SLC26A8: variants seen among roughly 807,000 people sequenced by gnomAD.
SLC26A8 encodes testis anion transporter 1.
A neutral mutation model predicts 105.0 loss-of-function variants in SLC26A8; 70 were observed. That is an observed-to-expected ratio of 0.67 (90% CI 0.55 to 0.81). The LOEUF is 0.81. Ranked by LOEUF, SLC26A8 falls within the 40% of genes least tolerant of loss-of-function variation. The probability of loss-of-function intolerance (pLI) is 0.00; values close to 1 mark genes in which losing one functional copy is unlikely to be tolerated. For missense variants in SLC26A8, 998 were observed against 1,181.8 expected (o/e 0.84, Z 2.28); for synonymous variants, 415 against 438.3 (o/e 0.95, Z 0.66).
intron 8 of SLC26A8, among the ~76,000 whole-genome samples, chr6:35,979,881 G>A (rs979164207): frequency 2.6e-5 from 4 of 152,168 alleles, no homozygotes; most frequent in Admixed American, 6.6e-5. Context: ...TCAAAGCAAC[G>A]CTTAAAATTA....
In SLC26A8 at chr6:35,991,710, G is replaced by C; in HGVS notation, c.891C>G (p.Ile297Met). 6.2e-7 allele frequency: 1 copy of C among 1,605,804 alleles called. No homozygotes were observed. Among genetic ancestry groups the C allele is most frequent in the Non-Finnish European group, 8.5e-7 (1 of 1,177,178 alleles). The stretch of plus-strand genomic sequence containing the variant: ...TGGGATACTGATTGAAAGAAATTCT[G>C]ATACATTTGTTGATTCGCAGAGCAA... ...VVVALRINKC[I>M]RISFNQYPIE... The change falls in exon 7 of 20, where the codon ATC (isoleucine) becomes ATG (methionine). Residue 297 changes from isoleucine (I) to methionine (M), a missense_variant. Physicochemically the swap from Ile to Met is conservative, Grantham distance 10. Coordinates refer to ENST00000490799, the MANE Select transcript of SLC26A8 (RefSeq NM_052961.4).
chr6:35,957,384 A>G (rs186613519), intron 16 of SLC26A8, among the ~76,000 whole-genome samples: 146 of 152,104 alleles, frequency 9.6e-4, no homozygotes, highest in Admixed American at 2.3e-3. Flanking sequence ...AATTTTAAAA[A>G]TTTAAAGCTA....
rs1463727232 is a variant in SLC26A8 at position 35,968,049 on chromosome 6, C to T, written c.1365+828G>A. Among the ~76,000 whole-genome samples, 6 of 151,854 alleles carry T rather than the reference C, an allele frequency of 4.0e-5. No homozygotes were observed. The South Asian group carries it at 8.3e-4, about 21-fold the overall frequency. On this transcript the variant is annotated intron_variant, in intron 11 of 19. Coordinates refer to ENST00000490799, the MANE Select transcript of SLC26A8 (RefSeq NM_052961.4). ...TTTTAGTAGAGACGGGGTTTTGCCA[C>T]GTTGGCCCGGCTGATCTTGAACTCC...
chr6:35,994,421 T>A (rs1761289360), intron 5 of SLC26A8, among the ~76,000 whole-genome samples: 1 of 151,784 alleles, frequency 6.6e-6, no homozygotes, highest in Non-Finnish European at 1.5e-5. Flanking sequence ...GCCAACTGTC[T>A]CTCCCTTAAT....
At position 35,968,891 on chromosome 6, in the gene SLC26A8, A is replaced by G. The variant is rs1361261362; in HGVS notation, c.1351T>C (p.Tyr451His). The G allele has an allele frequency of 1.3e-6, 2 of 1,592,832 alleles. No homozygotes were observed. The highest frequency in any genetic ancestry group is 2.2e-5 in the South Asian group (2 of 90,610). The change falls in exon 11 of 20, where the codon TAC becomes CAC. Residue 451 changes from tyrosine (Y) to histidine (H), a missense_variant. Physicochemically the swap from Tyr to His is moderately conservative, Grantham distance 83. Coordinates refer to ENST00000490799, the MANE Select transcript of SLC26A8 (RefSeq NM_052961.4). ...GTTCTACTTACATTTGGCAGTGTGT[A>G]GAAAAAGTGTCCCATCTTCACCATC... ...LLMVKMGHFF[Y>H]TLPNAVLAGI...
intron 3 of SLC26A8, among the ~76,000 whole-genome samples, chr6:36,011,247 C>T (rs1021430429): frequency 1.3e-5 from 2 of 152,122 alleles, no homozygotes; most frequent in African/African-American, 4.8e-5. Flanking sequence ...GCTGTGTTAC[C>T]GGGCAGAATT....
At chr6:35,951,100 C>CACCCCACCCCCCCCAGCCCACAA in intron 19 of SLC26A8, 63 bp downstream of exon 19, 7 of 1,364,756 alleles carry the variant, frequency 5.1e-6, no homozygotes, top group East Asian at 2.5e-5. Flanking sequence ...AACCACCCCT[C>CACCCCACCCCCCCCAGCCCACAA]ACCCATCCCC....
At chr6:35,983,040 A>G (rs559172722) in intron 7 of SLC26A8, among the ~76,000 whole-genome samples, 1 of 152,330 alleles carries the variant, frequency 6.6e-6, no homozygotes, top group South Asian at 2.1e-4. Context: ...GTTTTAAAAT[A>G]GCAATTATAC....
At chr6:35,999,148 C>A (rs1434004265) in intron 4 of SLC26A8, among the ~76,000 whole-genome samples, 1 of 152,190 alleles carries the variant, frequency 6.6e-6, no homozygotes, top group Non-Finnish European at 1.5e-5. Flanking sequence ...CTTGCCTCGG[C>A]CTCCCAAAGT....
intron 3 of SLC26A8, among the ~76,000 whole-genome samples, chr6:36,009,236 A>C (rs901365927): frequency 2.0e-5 from 3 of 152,134 alleles, no homozygotes; most frequent in Non-Finnish European, 4.4e-5. Context: ...CTGTAATCCC[A>C]GCTACTCAGG....
At chr6:35,950,494 C>T (rs1771831032) in intron 19 of SLC26A8, among the ~76,000 whole-genome samples, 1 of 151,908 alleles carries the variant, frequency 6.6e-6, no homozygotes, top group Non-Finnish European at 1.5e-5. Context: ...ACCATGTTGG[C>T]TAGGATGGTC....
intron 11 of SLC26A8, among the ~76,000 whole-genome samples, chr6:35,968,609 GTATA>G (rs55987809): frequency 0.074 from 4,380 of 59,008 alleles, 146 homozygotes; most frequent in Admixed American, 0.11. Flanking sequence ...GTGTGTGTGT[GTATA>G]TATATATATA....
At chr6:35,995,533 C>A (rs897611614) in intron 5 of SLC26A8, among the ~76,000 whole-genome samples, 2 of 152,222 alleles carry the variant, frequency 1.3e-5, no homozygotes, top group African/African-American at 4.8e-5. Context: ...TACAATCAGA[C>A]AACCCTAAAA....
At position 36,012,378 on chromosome 6, in the gene SLC26A8, A is replaced by G; in HGVS notation, c.189-6T>C. On this transcript the variant is annotated splice_polypyrimidine_tract_variant and splice_region_variant and intron_variant, in intron 2 of 19. Transcript: ENST00000490799. ...GGAACCTGTGCCATGAGCAGCTGTG[A>G]GAGAGAGGAGCAGAGACTTGGTTAG... 1 of 1,566,624 alleles carries G rather than the reference A, an allele frequency of 6.4e-7. No individual in the cohort carries two copies. Among genetic ancestry groups the G allele is most frequent in the Middle Eastern group, 1.7e-4 (1 of 5,922 alleles).
intron 3 of SLC26A8, among the ~76,000 whole-genome samples, chr6:36,005,740 A>C (rs528626014): frequency 6.6e-6 from 1 of 152,288 alleles, no homozygotes; most frequent in East Asian, 1.9e-4. Flanking sequence ...ATCTCGAGGG[A>C]GATACTTTGA....
intron 11 of SLC26A8, among the ~76,000 whole-genome samples, chr6:35,962,836 C>T (rs987248498): frequency 2.0e-5 from 3 of 152,198 alleles, no homozygotes; most frequent in African/African-American, 7.2e-5. Flanking sequence ...CAGGGTCTCG[C>T]TCTTGCCCAG....
Position 36,019,615 on chromosome 6 carries a change from A to G in SLC26A8, c.93T>C (p.Asn31=). The change falls in exon 2 of 20, where the codon AAT becomes AAC. Residue 31 remains asparagine, a synonymous_variant. Transcript: ENST00000490799. ...TGTGTTCCTGTTGAAAGGTCTCCTCATTGTATACTTCACGCTTAACATCAT... is the reference window on the plus strand; with the variant it reads ...TGTGTTCCTGTTGAAAGGTCTCCTCGTTGTATACTTCACGCTTAACATCAT... ...FAYDVKREVY[N]EETFQQEHKR... 6.2e-7 allele frequency: 1 copy of G among 1,614,184 alleles called. No homozygotes were observed. The highest frequency in any genetic ancestry group is 8.5e-7 in the Non-Finnish European group (1 of 1,180,032).
intron 11 of SLC26A8, among the ~76,000 whole-genome samples, chr6:35,966,310 C>A (rs1478095976): frequency 6.6e-6 from 1 of 152,190 alleles, no homozygotes; most frequent in Non-Finnish European, 1.5e-5. Context: ...AAACTTCCTT[C>A]AATTTGAAGA....
intron 10 of SLC26A8, among the ~76,000 whole-genome samples, chr6:35,972,758 G>C (rs1003697709): frequency 2.0e-5 from 3 of 152,212 alleles, no homozygotes; most frequent in African/African-American, 7.2e-5. Context: ...CTTTGAGGCA[G>C]ACCTTCTGTT....
Sources: gnomAD v4.1 joint callset for allele counts (sites outside exome capture counted in the v4.1 genomes callset) on GRCh38, gnomAD v4.1.1 for gene constraint, MANE v1.5 for transcripts, NCBI Gene and HGNC (gene_info 2026-07-23, HGNC 2026-07-21) for gene names.